The following MPC2 variants were observed in gnomAD, a reference collection of about 807,000 sequenced individuals.
MPC2 encodes the protein brain protein 44.
A neutral mutation model predicts 19.2 loss-of-function variants in MPC2; 19 were observed. The ratio of observed to expected loss-of-function variants is 0.99; its 90% confidence interval spans 0.69 to 1.45. The LOEUF (loss-of-function observed/expected upper bound fraction) is 1.45. Among genes scored for constraint, MPC2 ranks in the 40% most tolerant of loss-of-function variants. The pLI is 0.00. For missense variants in MPC2, 122 were observed against 153.0 expected (o/e 0.80, Z 1.07); for synonymous variants, 61 against 54.3 (o/e 1.12, Z -0.54).
In MPC2 at chr1:167,936,751, G is replaced by A. The variant is rs904825551; in HGVS notation, c.-58+188C>T. 9 of 629,424 alleles carry A rather than the reference G, an allele frequency of 1.4e-5. No individual in the cohort carries two copies. In the African/African-American group the frequency reaches 1.5e-4, roughly 11 times the overall value. 39.0% of individuals were successfully genotyped at this position (629,424 alleles called of 1,614,324 possible). On this transcript the variant is annotated intron_variant, in intron 1 of 5. Transcript: ENST00000271373. ...CGGCCCGGGTGCGGCCGGGCTTCAG[G>A]GGCCCAGGCGCCGCTGCTGCCACCG...
At chr1:167,920,140 C>A in intron 4 of MPC2, 50 bp from the exon 5 acceptor site, 2 of 1,149,668 alleles carry the variant, frequency 1.7e-6, no homozygotes, top group South Asian at 1.3e-5. Flanking sequence ...GCTTCAATAA[C>A]TTCAGTGAAT....
Position 167,918,036 on chromosome 1 carries a change from GT to G in MPC2, c.*286del, listed in dbSNP as rs1289324542. On this transcript the variant is annotated 3_prime_UTR_variant, in exon 6 of 6. Transcript: ENST00000271373. ...TTTGTGTGTTCTTTTATGTACATATGTTGGCTGACTGGAACAGAAGGAGGCA... is the reference window on the plus strand; with the variant it reads ...TTTGTGTGTTCTTTTATGTACATATGTGGCTGACTGGAACAGAAGGAGGCA... 3.7e-6 allele frequency: 1 copy of G among 268,956 alleles called. No homozygotes were observed. The highest frequency in any genetic ancestry group is 5.0e-5 in the Admixed American group (1 of 19,866). 16.7% of individuals were successfully genotyped at this position (268,956 alleles called of 1,614,324 possible). A position where few individuals can be genotyped will look rare whatever the true frequency, so the allele number is the denominator to read the frequency against.
Position 167,936,799 on chromosome 1 carries a change from G to C in MPC2, c.-58+140C>G, listed in dbSNP as rs1671294615. The C allele has an allele frequency of 1.3e-5, 12 of 953,186 alleles. No individual in the cohort carries two copies. In the South Asian group the frequency reaches 1.7e-4, roughly 13 times the overall value. The allele number at this position is 953,186 out of a possible 1,614,324, so 59.0% of individuals were successfully genotyped here. A position where few individuals can be genotyped will look rare whatever the true frequency, so the allele number is the denominator to read the frequency against. The stretch of plus-strand genomic sequence containing the variant: ...CCGCCATCTAACGCTGCGCCCTGGA[G>C]GCCCGGCGCGCGGATGGTGCCGGTG... On this transcript the variant is annotated intron_variant, in intron 1 of 5. Coordinates refer to ENST00000271373, the MANE Select transcript of MPC2 (RefSeq NM_001143674.4).
rs985947301 is a variant in MPC2 at position 167,918,067 on chromosome 1, G to T, written c.*256C>A. The T allele has an allele frequency of 2.9e-6, 1 of 343,828 alleles. No homozygotes were observed. The highest frequency in any genetic ancestry group is 4.9e-5 in the East Asian group (1 of 20,302). 21.3% of individuals were successfully genotyped at this position (343,828 alleles called of 1,614,324 possible). Reference sequence around the variant, plus strand: ...TGACTGGAACAGAAGGAGGCAGGGGGTATATACGAGCAAGTATGGTTTATT... The same window carrying T: ...TGACTGGAACAGAAGGAGGCAGGGGTTATATACGAGCAAGTATGGTTTATT... On this transcript the variant is annotated 3_prime_UTR_variant, in exon 6 of 6. Coordinates refer to ENST00000271373, the MANE Select transcript of MPC2 (RefSeq NM_001143674.4).
intron 3 of MPC2, among the ~76,000 whole-genome samples, chr1:167,921,194 C>T (rs916264538): frequency 6.6e-6 from 1 of 151,602 alleles, no homozygotes; most frequent in African/African-American, 2.4e-5. Flanking sequence ...GTATAAATAT[C>T]AGAAAAACTT....
chr1:167,933,168 AG>A (rs1174894121), intron 2 of MPC2, among the ~76,000 whole-genome samples: 1 of 146,046 alleles, frequency 6.8e-6, no homozygotes, highest in Non-Finnish European at 1.5e-5. Context: ...AAAACACATT[AG>A]TTTTTTTTTT....
At chr1:167,926,130 C>G (rs1425115617) in intron 2 of MPC2, among the ~76,000 whole-genome samples, 1 of 152,208 alleles carries the variant, frequency 6.6e-6, no homozygotes, top group African/African-American at 2.4e-5. Context: ...ACTTTATTTT[C>G]TCACATACAT....
chr1:167,926,136 T>A (rs1477449302), intron 2 of MPC2, among the ~76,000 whole-genome samples: 1 of 152,262 alleles, frequency 6.6e-6, no homozygotes, highest in Non-Finnish European at 1.5e-5. Flanking sequence ...TTTTCTCACA[T>A]ACATCTGGTA....
chr1:167,928,592 A>T (rs886581749), intron 2 of MPC2, among the ~76,000 whole-genome samples: 1 of 152,240 alleles, frequency 6.6e-6, no homozygotes, highest in African/African-American at 2.4e-5. Context: ...TAAAGTTTTG[A>T]CAAAACAAAG....
chr1:167,936,856 C>T (rs967780330), intron 1 of MPC2, 83 bp downstream of exon 1: 12 of 1,405,390 alleles, frequency 8.5e-6, no homozygotes, highest in African/African-American at 7.1e-5. Flanking sequence ...TGTCCCCTCC[C>T]CCTCCTCCCC....
intron 3 of MPC2, among the ~76,000 whole-genome samples, chr1:167,923,601 T>C (rs1571509161): frequency 6.6e-6 from 1 of 152,090 alleles, no homozygotes; most frequent in East Asian, 1.9e-4. Context: ...AAAAGGGTTC[T>C]GGAGATTGGT....
At chr1:167,929,157 G>A (rs559486820) in intron 2 of MPC2, among the ~76,000 whole-genome samples, 2 of 151,538 alleles carry the variant, frequency 1.3e-5, no homozygotes, top group Non-Finnish European at 2.9e-5. Context: ...TGGGGAGTTT[G>A]AGACTAGCCT....
Position 167,920,073 on chromosome 1 carries a change from A to C in MPC2, c.253T>G (p.Tyr85Asp), listed in dbSNP as rs1165746408. 1.4e-5 allele frequency: 23 copies of C among 1,610,254 alleles called. No individual in the cohort carries two copies. The highest frequency in any genetic ancestry group is 1.9e-5 in the Non-Finnish European group (22 of 1,178,312). Reference protein sequence around the residue: ...LMATGFIWSRYSLVIIPKNWS... With the variant: ...LMATGFIWSRDSLVIIPKNWS... ...TTTTTTGGAATAATTACAAGTGAGT[A>C]TCTTGACCAAATAAACCCTGTTGAA... is the stretch of plus-strand genomic sequence containing the variant. The change falls in exon 5 of 6, where the codon TAC (tyrosine) becomes GAC (aspartate). Residue 85 changes from tyrosine (Y) to aspartate (D), a missense_variant. Transcript: ENST00000271373.
intron 2 of MPC2, among the ~76,000 whole-genome samples, chr1:167,926,403 T>C (rs1670756239): frequency 6.6e-6 from 1 of 152,220 alleles, no homozygotes; most frequent in Non-Finnish European, 1.5e-5. Flanking sequence ...CTCTACAAGA[T>C]AGAAAATAAT....
rs1404797588 is a variant in MPC2 at position 167,918,333 on chromosome 1, G to A, written c.374C>T (p.Ala125Val). The A allele has an allele frequency of 1.3e-6, 2 of 1,567,334 alleles. No individual in the cohort carries two copies. The highest frequency in any genetic ancestry group is 2.7e-5 in the African/African-American group (2 of 73,626). ...TGATCAGGAACTCTTTTATTTGTGTGCTTTAGCTTTTAGTTCTTGGTTATA... is the reference window on the plus strand; with the variant it reads ...TGATCAGGAACTCTTTTATTTGTGTACTTTAGCTTTTAGTTCTTGGTTATA... ...WRYNQELKAK[A>V]HK Residue 125 changes from alanine to valine, a missense_variant, in exon 6 of 6, where the codon GCA becomes GTA. Coordinates refer to ENST00000271373, the MANE Select transcript of MPC2 (RefSeq NM_001143674.4).
rs1049072952 is a variant in MPC2 at position 167,936,962 on chromosome 1, G to C, written c.-81C>G. ...ACCTGTTGTGGGACGTGAGGAAAAG[G>C]TCCCTCGGGCTGGAGGACCCGTCCC... On this transcript the variant is annotated 5_prime_UTR_variant, in exon 1 of 6. Coordinates refer to ENST00000271373, the MANE Select transcript of MPC2 (RefSeq NM_001143674.4). The C allele has an allele frequency of 6.2e-7, 1 of 1,611,150 alleles. No individual in the cohort carries two copies. The highest frequency in any genetic ancestry group is 8.5e-7 in the Non-Finnish European group (1 of 1,179,278).
chr1:167,927,759 T>C (rs1257968389), intron 2 of MPC2, among the ~76,000 whole-genome samples: 2 of 152,130 alleles, frequency 1.3e-5, no homozygotes, highest in African/African-American at 2.4e-5. Flanking sequence ...AGTTTTACAA[T>C]ATTAACAACA....
intron 2 of MPC2, among the ~76,000 whole-genome samples, chr1:167,933,353 G>T (rs1178989011): frequency 6.6e-6 from 1 of 152,056 alleles, no homozygotes; most frequent in African/African-American, 2.4e-5. Flanking sequence ...TTTTAGTAGA[G>T]ATAGGGTTTC....
rs1553200802 is a variant in MPC2 at position 167,925,442 on chromosome 1, C to CGTGTAT, written c.110-906_110-905insATACAC. On this transcript the variant is annotated intron_variant, in intron 2 of 5. Transcript: ENST00000271373. ...TATAATATACAGATATACATATACA[C>CGTGTAT]ATATATATATATATATATATATATA... is the stretch of plus-strand genomic sequence containing the variant. Among the ~76,000 whole-genome samples the CGTGTAT allele has an allele frequency of 2.4e-3, 196 of 82,388 alleles. 2 individuals carry two copies. The highest frequency in any genetic ancestry group is 9.6e-3 in the African/African-American group (189 of 19,626). 54.0% of individuals were successfully genotyped at this position (82,388 alleles called of 152,430 possible).
Sources: gnomAD v4.1 joint callset for allele counts (sites outside exome capture counted in the v4.1 genomes callset) on GRCh38, gnomAD v4.1.1 for gene constraint, MANE v1.5 for transcripts, NCBI Gene and HGNC (gene_info 2026-07-23, HGNC 2026-07-21) for gene names.